PRTG: variants seen among roughly 807,000 people sequenced by gnomAD.
PRTG encodes immunoglobulin superfamily, DCC subclass, member 5.
A neutral mutation model predicts 122.5 loss-of-function variants in PRTG; 67 were observed. The ratio of observed to expected loss-of-function variants is 0.55; its 90% CI spans 0.45 to 0.67. PRTG has a LOEUF of 0.67. PRTG is among the 30% of genes least tolerant of loss of function. The pLI is 0.00. For missense variants in PRTG, 1,435 were observed against 1,415.4 expected (o/e 1.01, Z -0.22); for synonymous variants, 554 against 501.1 (o/e 1.11, Z -1.41).
At chr15:55,701,087 T>C (rs2059660807) in intron 2 of PRTG, among the ~76,000 whole-genome samples, 1 of 152,202 alleles carries the variant, frequency 6.6e-6, no homozygotes, top group Non-Finnish European at 1.5e-5. Context: ...TACACACCTG[T>C]TAGAATGACT....
In PRTG at chr15:55,624,490, T is replaced by C; in HGVS notation, c.2945A>G (p.Lys982Arg). 6.2e-7 allele frequency: 1 copy of C among 1,611,382 alleles called. No homozygotes were observed. The highest frequency in any genetic ancestry group is 8.5e-7 in the Non-Finnish European group (1 of 1,178,938). The change falls in exon 18 of 20, where the codon AAG becomes AGG. Residue 982 changes from lysine to arginine, a missense_variant. Lys to Arg is a conservative substitution (Grantham distance 26). Transcript: ENST00000389286. ...CTGTTGAGTTCCATTCTGTGCCGTC[T>C]TGGAAGCAGATGATTTCCTAAAACA... ...RSKARKSSASKTAQNGTQQLP... is the reference protein window; with the variant it reads ...RSKARKSSASRTAQNGTQQLP...
intron 15 of PRTG, among the ~76,000 whole-genome samples, chr15:55,636,238 T>C (rs373404952): frequency 1.3e-5 from 2 of 152,154 alleles, no homozygotes; most frequent in Non-Finnish European, 2.9e-5. Context: ...AAATTCCGTG[T>C]TCTTAAGCCC....
intron 17 of PRTG, among the ~76,000 whole-genome samples, chr15:55,625,626 CTT>C (rs562628240): frequency 7.8e-5 from 11 of 140,242 alleles, no homozygotes; most frequent in Admixed American, 7.2e-5. Flanking sequence ...CTAATTTTAA[CTT>C]TTTTTTTTTT....
At chr15:55,728,404 A>T (rs2031114872) in intron 2 of PRTG, among the ~76,000 whole-genome samples, 1 of 152,220 alleles carries the variant, frequency 6.6e-6, no homozygotes, top group Non-Finnish European at 1.5e-5. Context: ...TAAAAGAATT[A>T]TACTGACCAA....
intron 11 of PRTG, among the ~76,000 whole-genome samples, chr15:55,644,347 G>C (rs549814276): frequency 1.3e-5 from 2 of 152,262 alleles, no homozygotes; most frequent in East Asian, 1.9e-4. Context: ...TGAGGGTTAT[G>C]AGTGTAGGTG....
At chr15:55,666,158 T>C (rs559229168) in intron 11 of PRTG, among the ~76,000 whole-genome samples, 187 of 152,354 alleles carry the variant, frequency 1.2e-3, no homozygotes, top group African/African-American at 4.4e-3. Flanking sequence ...CATCACACTC[T>C]GGCAGGATTC....
intron 18 of PRTG, among the ~76,000 whole-genome samples, chr15:55,622,422 C>T (rs1206322081): frequency 6.7e-6 from 1 of 149,510 alleles, no homozygotes; most frequent in Non-Finnish European, 1.5e-5. Flanking sequence ...CTCGCTCTGT[C>T]ACCCAGGTTG....
rs755313538 is a variant in PRTG at position 55,673,392 on chromosome 15, G to C, written c.1831C>G (p.Pro611Ala). The change falls in exon 10 of 20, where the codon CCC becomes GCC. Residue 611 changes from proline to alanine, a missense_variant. Coordinates refer to ENST00000389286, the MANE Select transcript of PRTG (RefSeq NM_173814.6). The part of the protein sequence containing the change: ...ESSVWTSHRT[P>A]KATSVKAPKS... ...TCACCTTTCACGCTTGTAGCTTTGG[G>C]CGTCCTATGTGAAGTCCATACTGAT... 1.4e-5 allele frequency: 23 copies of C among 1,612,510 alleles called. No individual in the cohort carries two copies. Among genetic ancestry groups the C allele is most frequent in the Non-Finnish European group, 1.6e-5 (19 of 1,178,854 alleles).
intron 2 of PRTG, among the ~76,000 whole-genome samples, chr15:55,708,147 G>GA (rs1567109053): frequency 2.5e-4 from 7 of 27,920 alleles, no homozygotes; most frequent in African/African-American, 6.7e-4. Flanking sequence ...GAGTAAGCTG[G>GA]TAAAAAAAAA....
chr15:55,726,089 C>T (rs142457826), intron 2 of PRTG, among the ~76,000 whole-genome samples: 234 of 152,194 alleles, frequency 1.5e-3, no homozygotes, highest in Admixed American at 5.4e-3. Flanking sequence ...ATTATAGGCA[C>T]GTGCCATGAC....
chr15:55,721,119 T>C (rs2030806717), intron 2 of PRTG, among the ~76,000 whole-genome samples: 1 of 152,200 alleles, frequency 6.6e-6, no homozygotes, highest in African/African-American at 2.4e-5. Flanking sequence ...TCCTGAACTT[T>C]TCCCTCTCCC....
chr15:55,738,034 A>ACC (rs2031485498), intron 2 of PRTG, among the ~76,000 whole-genome samples: 1 of 125,880 alleles, frequency 7.9e-6, no homozygotes, highest in African/African-American at 2.8e-5. Flanking sequence ...ATACACACAC[A>ACC]CACACACACA....
chr15:55,629,694 T>C (rs114882040), intron 15 of PRTG, among the ~76,000 whole-genome samples: 2,182 of 152,176 alleles, frequency 0.014, 55 homozygotes, highest in African/African-American at 0.046. Flanking sequence ...AAAAATCCAA[T>C]GCAAGAATCT....
At chr15:55,635,838 T>G (rs1198958628) in intron 15 of PRTG, among the ~76,000 whole-genome samples, 1 of 152,216 alleles carries the variant, frequency 6.6e-6, no homozygotes, top group African/African-American at 2.4e-5. Context: ...TGCCTAGTAC[T>G]GTACAGTGTA....
intron 18 of PRTG, 134 bp downstream of exon 18, chr15:55,624,207 TA>T: frequency 1.4e-6 from 1 of 720,442 alleles, no homozygotes; most frequent in Non-Finnish European, 2.2e-6. Context: ...ATGATCTCGG[TA>T]AAATTTCAAT....
At position 55,735,350 on chromosome 15, in the gene PRTG, A is replaced by C. The variant is rs1313520770; in HGVS notation, c.397+5032T>G. ...AAAATCATCTCTCAAAACTGCAGTC[A>C]AGAATATCGTGGTTTTCAAAAAGGT... is the stretch of plus-strand genomic sequence containing the variant. On this transcript the variant is annotated intron_variant, in intron 2 of 19. Coordinates refer to ENST00000389286, the MANE Select transcript of PRTG (RefSeq NM_173814.6). 2.0e-5 allele frequency among the ~76,000 whole-genome samples: 3 copies of C among 152,324 alleles called. No homozygotes were observed. The East Asian group carries it at 5.8e-4, about 29-fold the overall frequency.
intron 2 of PRTG, among the ~76,000 whole-genome samples, chr15:55,723,392 TAA>T (rs74974276): frequency 2.2e-4 from 23 of 103,946 alleles, no homozygotes; most frequent in East Asian, 2.7e-4. Context: ...TATAATGATC[TAA>T]AAAAAAAAAA....
intron 11 of PRTG, among the ~76,000 whole-genome samples, chr15:55,663,434 C>T (rs1222801050): frequency 6.6e-6 from 1 of 152,196 alleles, no homozygotes; most frequent in Non-Finnish European, 1.5e-5. Flanking sequence ...AGAAAAAGAA[C>T]AATTTCATCA....
chr15:55,643,196 T>C (rs1169782337), intron 11 of PRTG, among the ~76,000 whole-genome samples: 3 of 152,206 alleles, frequency 2.0e-5, no homozygotes, highest in East Asian at 3.8e-4. Context: ...TTAAAATTCA[T>C]TGAAAGAATG....
Sources: gnomAD v4.1 joint callset for allele counts (sites outside exome capture counted in the v4.1 genomes callset) on GRCh38, gnomAD v4.1.1 for gene constraint, MANE v1.5 for transcripts, NCBI Gene and HGNC (gene_info 2026-07-23, HGNC 2026-07-21) for gene names.